SMPD4: variants seen among roughly 807,000 people sequenced by gnomAD.
SMPD4 encodes neutral sphingomyelinase 3.
Under a neutral mutation model 97.8 loss-of-function variants are expected in SMPD4, and 58 were observed. The observed-to-expected ratio is 0.59, with a 90% confidence interval of 0.48 to 0.74. The LOEUF is 0.74. Among genes scored for constraint, SMPD4 ranks in the 30% least tolerant of loss-of-function variants. The pLI is 0.00. For synonymous variants in SMPD4, 388 were observed against 450.0 expected (o/e 0.86, Z 1.74); for missense variants, 853 against 1,080.5 (o/e 0.79, Z 2.95).
intron 10 of SMPD4, among the ~76,000 whole-genome samples, chr2:130,163,953 C>G (rs1687676704): frequency 6.6e-6 from 1 of 152,136 alleles, no homozygotes; most frequent in Non-Finnish European, 1.5e-5. Context: ...GGTGAGCAGG[C>G]AAAGGAGGCT....
At chr2:130,159,637 C>CAA (rs543921050) in intron 11 of SMPD4, 9 of 72,884 alleles carry the variant, frequency 1.2e-4, no homozygotes, top group Non-Finnish European at 1.4e-4. Context: ...GACTCCATCT[C>CAA]AAAAAAAAAA....
At chr2:130,153,675 C>T (rs764853501) in intron 17 of SMPD4, 27 bp downstream of exon 17, 16 of 1,608,506 alleles carry the variant, frequency 9.9e-6, no homozygotes, top group Non-Finnish European at 1.3e-5. Context: ...ACCCTGATGG[C>T]GGTGGGGCAG....
At chr2:130,165,107 T>A (rs1323970117) in intron 9 of SMPD4, among the ~76,000 whole-genome samples, 5 of 103,618 alleles carry the variant, frequency 4.8e-5, no homozygotes, top group Non-Finnish European at 7.0e-5. Context: ...AGACTCTGAT[T>A]TAAAAAAAAA....
rs750782429 is a variant in SMPD4 at position 130,181,568 on chromosome 2, G to A, written c.-84C>T. ...AGCGTCGCTCGCCTCAGAGATGGAA[G>A]CCGCCATTCCGCCACGGCGCCGAAA... On this transcript the variant is annotated 5_prime_UTR_variant, in exon 1 of 20. Transcript: ENST00000680298. The A allele has an allele frequency of 8.7e-5, 140 of 1,606,464 alleles. 3 individuals carry two copies. The South Asian group carries it at 1.5e-3, about 17-fold the overall frequency.
intron 1 of SMPD4, 30 bp downstream of exon 1, chr2:130,181,500 C>A (rs1372925588): frequency 3.2e-6 from 5 of 1,585,566 alleles, no homozygotes; most frequent in Non-Finnish European, 3.4e-6. Context: ...GGCGCCGGAC[C>A]GTCTCAGGCG....
At position 130,152,748 on chromosome 2, in the gene SMPD4, G is replaced by T. The variant is rs1421964565; in HGVS notation, c.2291C>A (p.Thr764Asn). The T allele has an allele frequency of 2.5e-6, 4 of 1,596,500 alleles. No homozygotes were observed. Among genetic ancestry groups the T allele is most frequent in the East Asian group, 2.3e-5 (1 of 44,136 alleles). Residue 764 changes from threonine (T) to asparagine (N), a missense_variant, in exon 20 of 20, where the codon ACC (threonine) becomes AAC (asparagine). Physicochemically the swap from Thr to Asn is moderately conservative, Grantham distance 65. Transcript: ENST00000680298. The part of the protein sequence containing the change: ...PVGRRQVAGH[T>N]RGPRLSLRFL... ...GCGCAGGCTGAGCCTGGGGCCGCGG[G>T]TGTGGCCGGCCACCTGCCTCCGCCC...
chr2:130,176,584 G>A lies in SMPD4; in HGVS notation c.9C>T (p.Phe3=). 2 of 1,613,406 alleles carry A rather than the reference G, an allele frequency of 1.2e-6. No homozygotes were observed. The highest frequency in any genetic ancestry group is 1.7e-6 in the Non-Finnish European group (2 of 1,179,700). Residue 3 remains phenylalanine (F), a synonymous_variant, in exon 2 of 20, where the codon TTC becomes TTT. Coordinates refer to ENST00000680298, the MANE Select transcript of SMPD4 (RefSeq NM_017951.5). MA[F]PHLQQPSFLL... The stretch of plus-strand genomic sequence containing the variant: ...GAAAGCTGGGCTGCTGCAGGTGAGG[G>A]AACGCCATAGCAGCCTCCAGTGGAG...
intron 16 of SMPD4, 120 bp downstream of exon 16, chr2:130,154,156 AG>A (rs1686521298): frequency 7.9e-7 from 1 of 1,259,120 alleles, no homozygotes; most frequent in South Asian, 1.6e-5. Flanking sequence ...CGGGGGAAGG[AG>A]ATATGGCGTC....
chr2:130,172,950 A>G (rs1343431836), intron 5 of SMPD4, 55 bp from the exon 6 acceptor site: 1 of 1,562,026 alleles, frequency 6.4e-7, no homozygotes, highest in Non-Finnish European at 8.7e-7. Flanking sequence ...AGTGCCCGAT[A>G]CGCAGTACCC....
intron 8 of SMPD4, among the ~76,000 whole-genome samples, chr2:130,168,608 C>A (rs1688152144): frequency 1.3e-5 from 2 of 152,058 alleles, no homozygotes; most frequent in Non-Finnish European, 2.9e-5. Context: ...CAACCTCAAC[C>A]TCCTAGACTT....
chr2:130,157,454 G>A (rs1030037244), intron 11 of SMPD4, 58 bp from the exon 12 acceptor site: 38 of 1,604,286 alleles, frequency 2.4e-5, no homozygotes, highest in Middle Eastern at 2.2e-4. Flanking sequence ...ATAGCACTCC[G>A]CCTCCAGGTC....
intron 11 of SMPD4, among the ~76,000 whole-genome samples, chr2:130,160,687 T>C (rs1170780347): frequency 7.1e-6 from 1 of 141,734 alleles, no homozygotes; most frequent in Admixed American, 7.1e-5. Flanking sequence ...TCCCACCCCC[T>C]GCCTCACACG....
chr2:130,173,329 T>A lies in SMPD4; in HGVS notation c.295A>T (p.Lys99Ter), dbSNP rs1048195648. 2 of 1,613,088 alleles carry A rather than the reference T, an allele frequency of 1.2e-6. No homozygotes were observed. Among genetic ancestry groups the A allele is most frequent in the African/African-American group, 2.7e-5 (2 of 74,850 alleles). Reference sequence around the variant, plus strand: ...AACTTATAGTCTTCAGCTTGAAGCTTATAAACCAACTTCATCATTGGGCCA... The same window carrying A: ...AACTTATAGTCTTCAGCTTGAAGCTAATAAACCAACTTCATCATTGGGCCA... ...PGGPMMKLVY[K>*]LQAEDYKFDF... The change falls in exon 5 of 20, where the codon AAG becomes TAG. Residue 99 changes from lysine to a stop codon, truncating the protein, a stop_gained. Coordinates refer to ENST00000680298, the MANE Select transcript of SMPD4 (RefSeq NM_017951.5). LOFTEE classifies it high-confidence loss of function.
At position 130,165,282 on chromosome 2, in the gene SMPD4, G is replaced by A. The variant is rs147121011; in HGVS notation, c.793-837C>T. 8.5e-4 allele frequency among the ~76,000 whole-genome samples: 130 copies of A among 152,136 alleles called. 2 individuals are homozygous for A. In the East Asian group the frequency reaches 0.024, roughly 28 times the overall value. ...ACTAAAAATACAAAATTAGCCGGGC[G>A]TGGTGGCGCATGCCTGTAATTCCAG... On this transcript the variant is annotated intron_variant, in intron 9 of 19. Coordinates refer to ENST00000680298, the MANE Select transcript of SMPD4 (RefSeq NM_017951.5).
At chr2:130,157,146 C>T (rs1369101774) in intron 12 of SMPD4, 105 bp downstream of exon 12, 4 of 1,410,738 alleles carry the variant, frequency 2.8e-6, no homozygotes, top group Admixed American at 4.5e-5. Flanking sequence ...AAGGGACTCC[C>T]CTCACCCTGC....
chr2:130,153,135 G>C lies in SMPD4; in HGVS notation c.2062C>G (p.Gln688Glu). The change falls in exon 19 of 20, where the codon CAG becomes GAG. Residue 688 changes from glutamine to glutamate, a missense_variant. Coordinates refer to ENST00000680298, the MANE Select transcript of SMPD4 (RefSeq NM_017951.5). ...NGLRRFEIEY[Q>E]GDPELQPIRS... ...ATGGGCTGCAGCTCCGGGTCCCCCTGGTACTCAATTTCAAACCTTCGCAGC... is the reference window on the plus strand; with the variant it reads ...ATGGGCTGCAGCTCCGGGTCCCCCTCGTACTCAATTTCAAACCTTCGCAGC... The C allele has an allele frequency of 6.2e-7, 1 of 1,613,844 alleles. No homozygotes were observed. Among genetic ancestry groups the C allele is most frequent in the Non-Finnish European group, 8.5e-7 (1 of 1,179,988 alleles).
chr2:130,169,821 G>C (rs896445763), intron 8 of SMPD4, among the ~76,000 whole-genome samples: 14 of 152,126 alleles, frequency 9.2e-5, no homozygotes, highest in African/African-American at 3.4e-4. Flanking sequence ...CAAAGTGTTG[G>C]GATTACAGGC....
rs186079912 is a variant in SMPD4, at chr2:130,158,353, T to C, written c.952-957A>G. ...TTTTTCTTGAGACAACGTCTCCCTCTGTCGCCCAGGCTGGAGCACAGTGGC... is the reference window on the plus strand; with the variant it reads ...TTTTTCTTGAGACAACGTCTCCCTCCGTCGCCCAGGCTGGAGCACAGTGGC... On this transcript the variant is annotated intron_variant, in intron 11 of 19. Transcript: ENST00000680298. 6.9e-4 allele frequency: 531 copies of C among 765,876 alleles called. 5 individuals are homozygous for C. The highest frequency in any genetic ancestry group is 2.7e-3 in the South Asian group (153 of 55,702). The allele number at this position is 765,876 out of a possible 1,614,324, so 47.4% of individuals were successfully genotyped here.
At chr2:130,175,678 A>C (rs1688922548) in intron 2 of SMPD4, among the ~76,000 whole-genome samples, 1 of 152,218 alleles carries the variant, frequency 6.6e-6, no homozygotes, top group Non-Finnish European at 1.5e-5. Context: ...AAGCACCCTG[A>C]CTACAAGGAG....
Sources: allele counts gnomAD v4.1 joint callset (sites outside exome capture counted in the v4.1 genomes callset), GRCh38; gene constraint gnomAD v4.1.1; transcripts MANE v1.5; gene names NCBI Gene and HGNC (gene_info 2026-07-23, HGNC 2026-07-21).